The following RABGAP1L variants were observed in gnomAD, a reference collection of about 807,000 sequenced individuals.
RABGAP1L encodes the protein rab GTPase-activating protein 1-like.
In RABGAP1L, 63 loss-of-function variants were observed where a neutral mutation model predicts 137.7. That is an observed-to-expected ratio of 0.46 (90% confidence interval 0.37 to 0.56). RABGAP1L has a LOEUF of 0.56. Among genes scored for constraint, RABGAP1L ranks in the 20% least tolerant of loss-of-function variants. The probability of loss-of-function intolerance (pLI) is 0.00; values close to 1 mark genes in which losing one functional copy is unlikely to be tolerated. For synonymous variants in RABGAP1L, 431 were observed against 433.7 expected, an observed-to-expected ratio of 0.99 and a Z score of 0.08; for missense variants, 1,095 against 1,244.0, an observed-to-expected ratio of 0.88 and a Z score of 1.80.
intron 23 of RABGAP1L, 52 bp downstream of exon 23, chr1:174,978,942 G>T: frequency 7.0e-7 from 1 of 1,436,430 alleles, no homozygotes; most frequent in Non-Finnish European, 9.1e-7. Flanking sequence ...TGCTATAAAA[G>T]TAATTTTTTT....
At chr1:174,269,053 TCGTCTAAGCCTC>T in intron 7 of RABGAP1L, among the ~76,000 whole-genome samples, 1 of 152,010 alleles carries the variant, frequency 6.6e-6, no homozygotes, top group South Asian at 2.1e-4. Flanking sequence ...CGCCATTCTC[TCGTCTAAGCCTC>T]CCGAGTAGCT....
At chr1:174,484,888 G>A (rs2149339104) in intron 13 of RABGAP1L, among the ~76,000 whole-genome samples, 1 of 152,284 alleles carries the variant, frequency 6.6e-6, no homozygotes, top group East Asian at 1.9e-4. Flanking sequence ...TTTCTGTGAA[G>A]AATATCTTTG....
chr1:174,271,632 GACTTT>G (rs1183475495), intron 7 of RABGAP1L, among the ~76,000 whole-genome samples: 1 of 151,886 alleles, frequency 6.6e-6, no homozygotes, highest in African/African-American at 2.4e-5. Flanking sequence ...AACTTCTCTG[GACTTT>G]ACTTTGCTTA....
intron 13 of RABGAP1L, among the ~76,000 whole-genome samples, chr1:174,484,407 A>T (rs923045118): frequency 1.3e-4 from 20 of 152,086 alleles, no homozygotes; most frequent in Non-Finnish European, 2.9e-4. Context: ...TTTTACCTTG[A>T]TGTGATCCCA....
intron 13 of RABGAP1L, among the ~76,000 whole-genome samples, chr1:174,599,916 C>T (rs1312617072): frequency 6.6e-6 from 1 of 152,068 alleles, no homozygotes; most frequent in Non-Finnish European, 1.5e-5. Context: ...ATAATGCTGT[C>T]TACCCTGGTC....
chr1:174,931,019 T>A (rs1017217464), intron 19 of RABGAP1L, among the ~76,000 whole-genome samples: 1 of 152,188 alleles, frequency 6.6e-6, no homozygotes, highest in African/African-American at 2.4e-5. Context: ...GGATTTTTTT[T>A]TGTTATTTTA....
intron 4 of RABGAP1L, among the ~76,000 whole-genome samples, chr1:174,239,567 T>G (rs1220828976): frequency 6.6e-6 from 1 of 152,104 alleles, no homozygotes; most frequent in Non-Finnish European, 1.5e-5. Flanking sequence ...ACTGGGCCAT[T>G]TTTTTTTCCT....
chr1:174,272,377 T>C, intron 7 of RABGAP1L, 37 bp from the exon 8 acceptor site: 1 of 1,595,760 alleles, frequency 6.3e-7, no homozygotes, highest in Non-Finnish European at 8.5e-7. Flanking sequence ...ATATTCTTGA[T>C]ACCTTATTTC....
chr1:174,765,897 T>C (rs571738564), intron 18 of RABGAP1L, among the ~76,000 whole-genome samples: 1 of 152,302 alleles, frequency 6.6e-6, no homozygotes, highest in Non-Finnish European at 1.5e-5. Context: ...TTGTATATGA[T>C]GTAAGGCAGG....
At chr1:174,442,511 A>G (rs1654274653) in intron 13 of RABGAP1L, among the ~76,000 whole-genome samples, 1 of 152,168 alleles carries the variant, frequency 6.6e-6, no homozygotes, top group African/African-American at 2.4e-5. Context: ...AAGGAAGTTC[A>G]ACATGGAGGA....
intron 19 of RABGAP1L, among the ~76,000 whole-genome samples, chr1:174,924,254 G>GT (rs1662309990): frequency 6.6e-6 from 1 of 151,994 alleles, no homozygotes; most frequent in Non-Finnish European, 1.5e-5. Flanking sequence ...GGGCATGATA[G>GT]TGTATGCCTG....
chr1:174,267,895 A>T (rs557225960), intron 7 of RABGAP1L, among the ~76,000 whole-genome samples: 89 of 152,320 alleles, frequency 5.8e-4, no homozygotes, highest in African/African-American at 2.0e-3. Context: ...ATATCATTTT[A>T]TATGCAGTTT....
chr1:174,273,035 T>C (rs1489123676), intron 8 of RABGAP1L, among the ~76,000 whole-genome samples: 3 of 152,076 alleles, frequency 2.0e-5, no homozygotes, highest in African/African-American at 7.2e-5. Flanking sequence ...AACTTTCAAA[T>C]AGAAATACCT....
chr1:174,623,510 G>A (rs1672705578), intron 13 of RABGAP1L, among the ~76,000 whole-genome samples: 1 of 152,194 alleles, frequency 6.6e-6, no homozygotes, highest in Non-Finnish European at 1.5e-5. Context: ...GCCAAGGGAA[G>A]AAACACAAAG....
chr1:174,561,009 A>G (rs1278274292), intron 13 of RABGAP1L, among the ~76,000 whole-genome samples: 1 of 152,222 alleles, frequency 6.6e-6, no homozygotes, highest in Non-Finnish European at 1.5e-5. Context: ...AATAAAATTT[A>G]GAGCCAGGGT....
At chr1:174,880,064 CA>C (rs10610404) in intron 19 of RABGAP1L, among the ~76,000 whole-genome samples, 114,968 of 127,958 alleles carry the variant, frequency 0.9, 51,364 homozygotes, top group East Asian at 0.96. Context: ...GACTCTGTCT[CA>C]AAAAAAAAAA....
intron 13 of RABGAP1L, among the ~76,000 whole-genome samples, chr1:174,512,595 A>G (rs968352624): frequency 1.3e-5 from 2 of 152,210 alleles, no homozygotes; most frequent in Non-Finnish European, 2.9e-5. Flanking sequence ...ATAAAAAGGC[A>G]TGTTTCAAAG....
chr1:174,703,550 T>A (rs1221499624), intron 17 of RABGAP1L, among the ~76,000 whole-genome samples: 2 of 152,210 alleles, frequency 1.3e-5, no homozygotes, highest in Non-Finnish European at 2.9e-5. Context: ...GATAAGCATA[T>A]AAGTGCACGA....
chr1:174,800,246 C>T, intron 18 of RABGAP1L: 1 of 1,467,246 alleles, frequency 6.8e-7, no homozygotes, highest in East Asian at 2.5e-5. Flanking sequence ...CCCAGGGAGA[C>T]CTAAACCTGG....
Sources: gnomAD v4.1 joint callset for allele counts (sites outside exome capture counted in the v4.1 genomes callset) on GRCh38, gnomAD v4.1.1 for gene constraint, MANE v1.5 for transcripts, NCBI Gene and HGNC (gene_info 2026-07-23, HGNC 2026-07-21) for gene names.